Variants in AKAP7 observed in about 807,000 individuals in gnomAD.
AKAP7 encodes the protein A kinase (PRKA) anchor protein 7.
A neutral mutation model predicts 39.5 loss-of-function variants in AKAP7; 39 were observed. The ratio of observed to expected loss-of-function variants is 0.99; its 90% CI spans 0.76 to 1.29. The LOEUF is 1.29. Ranked by LOEUF, AKAP7 falls within the 50% of genes most tolerant of loss-of-function variation. AKAP7 has a pLI of 0.00. For synonymous variants in AKAP7, 140 were observed against 139.1 expected, an observed-to-expected ratio of 1.01 and a Z score of -0.05; for missense variants, 414 against 407.7, an observed-to-expected ratio of 1.02 and a Z score of -0.13.
intron 1 of AKAP7, 126 bp downstream of exon 1, chr6:131,135,908 C>A (rs1241745621): frequency 1.4e-5 from 15 of 1,062,388 alleles, no homozygotes; most frequent in East Asian, 7.0e-5. Context: ...CTCCCTCCTT[C>A]CCAAAAGGAC....
intron 5 of AKAP7, among the ~76,000 whole-genome samples, chr6:131,197,828 A>G (rs961172337): frequency 5.9e-5 from 9 of 152,180 alleles, no homozygotes; most frequent in Admixed American, 2.6e-4. Flanking sequence ...AGAAAAGACA[A>G]GTTAAGAGAG....
chr6:131,276,999 A>T (rs1814797388), intron 7 of AKAP7, among the ~76,000 whole-genome samples: 1 of 152,212 alleles, frequency 6.6e-6, no homozygotes, highest in Non-Finnish European at 1.5e-5. Context: ...TTTTGCTACC[A>T]CAAAGGAGTT....
chr6:131,270,172 A>C (rs1157364547), intron 7 of AKAP7, among the ~76,000 whole-genome samples: 1 of 152,188 alleles, frequency 6.6e-6, no homozygotes, highest in South Asian at 2.1e-4. Context: ...TAGCACCACA[A>C]TCAAGATTGT....
At chr6:131,246,486 A>G (rs1045183420) in intron 7 of AKAP7, among the ~76,000 whole-genome samples, 7 of 152,210 alleles carry the variant, frequency 4.6e-5, no homozygotes, top group African/African-American at 7.2e-5. Context: ...GTAGACCTCC[A>G]TATGCTACTG....
chr6:131,217,888 CTT>C (rs1460342917), intron 6 of AKAP7, among the ~76,000 whole-genome samples: 1 of 152,136 alleles, frequency 6.6e-6, no homozygotes, highest in Non-Finnish European at 1.5e-5. Context: ...GAAGGAATGA[CTT>C]TCTCCAACCT....
At chr6:131,259,860 T>G (rs994479970) in intron 7 of AKAP7, among the ~76,000 whole-genome samples, 8 of 152,136 alleles carry the variant, frequency 5.3e-5, no homozygotes, top group Non-Finnish European at 1.2e-4. Flanking sequence ...GTTAGGTAAA[T>G]GTGTGCCATG....
intron 1 of AKAP7, among the ~76,000 whole-genome samples, chr6:131,136,259 C>T (rs1364977096): frequency 1.3e-5 from 2 of 151,900 alleles, no homozygotes; most frequent in South Asian, 2.1e-4. Context: ...AAACTGGCGC[C>T]AAGTCTACAC....
intron 5 of AKAP7, among the ~76,000 whole-genome samples, chr6:131,197,781 C>T (rs546953124): frequency 4.6e-5 from 7 of 152,000 alleles, no homozygotes; most frequent in South Asian, 2.1e-4. Flanking sequence ...AACACCAGGC[C>T]GTGGGGGCTA....
chr6:131,131,471 T>C (rs1269930277), upstream of AKAP7, among the ~76,000 whole-genome samples: 43 of 99,916 alleles, frequency 4.3e-4, 1 homozygote, highest in East Asian at 6.1e-3. Context: ...TTCTTTCTTT[T>C]TTTTTTTTTT....
At chr6:131,130,042 A>G in the AKAP7 span, among the ~76,000 whole-genome samples, 1 of 152,206 alleles carries the variant, frequency 6.6e-6, no homozygotes, top group Non-Finnish European at 1.5e-5. Flanking sequence ...GGCAGGGTGA[A>G]TGAGTCAATT....
chr6:131,159,387 C>T (rs1324200349), intron 2 of AKAP7, among the ~76,000 whole-genome samples: 3 of 152,220 alleles, frequency 2.0e-5, no homozygotes, highest in African/African-American at 7.2e-5. Flanking sequence ...GCCACCGAGC[C>T]TGGCCAAGGA....
chr6:131,276,192 C>G (rs1468145524), intron 7 of AKAP7, among the ~76,000 whole-genome samples: 3 of 152,130 alleles, frequency 2.0e-5, no homozygotes, highest in Non-Finnish European at 4.4e-5. Context: ...GGTTCCTTCC[C>G]TTTTGAAATT....
intron 7 of AKAP7, among the ~76,000 whole-genome samples, chr6:131,238,759 G>A (rs1811291647): frequency 6.6e-6 from 1 of 152,104 alleles, no homozygotes; most frequent in Non-Finnish European, 1.5e-5. Flanking sequence ...CCATTTGCTT[G>A]ATGGATCTTC....
intron 2 of AKAP7, among the ~76,000 whole-genome samples, chr6:131,152,896 G>C (rs1802054758): frequency 6.6e-6 from 1 of 151,244 alleles, no homozygotes; most frequent in African/African-American, 2.4e-5. Context: ...TGGGAGGCCA[G>C]GGCGGGTGGA....
At chr6:131,175,291 A>G (rs1804469870) in intron 5 of AKAP7, among the ~76,000 whole-genome samples, 1 of 152,120 alleles carries the variant, frequency 6.6e-6, no homozygotes, top group South Asian at 2.1e-4. Context: ...GGGCAGGCAC[A>G]CGTGTGTAAC....
At chr6:131,250,173 T>C in intron 7 of AKAP7, 6 of 993,416 alleles carry the variant, frequency 6.0e-6, no homozygotes, top group Non-Finnish European at 7.2e-6. Context: ...ACTGCAGTTG[T>C]CTGTAGGAGA....
At chr6:131,156,804 A>G (rs1802455884) in intron 2 of AKAP7, among the ~76,000 whole-genome samples, 1 of 148,854 alleles carries the variant, frequency 6.7e-6, no homozygotes, top group Non-Finnish European at 1.5e-5. Context: ...ATGGAGTCTC[A>G]CTCTGTCACC....
At chr6:131,199,747 A>G (rs1196378152) in intron 6 of AKAP7, among the ~76,000 whole-genome samples, 174 bp downstream of exon 6, 1 of 152,100 alleles carries the variant, frequency 6.6e-6, no homozygotes, top group East Asian at 1.9e-4. Context: ...CCTTCCATGG[A>G]GGCTATTTCA....
chr6:131,186,813 C>T (rs928560034), intron 5 of AKAP7, among the ~76,000 whole-genome samples: 1 of 152,154 alleles, frequency 6.6e-6, no homozygotes, highest in Admixed American at 6.5e-5. Flanking sequence ...TGAAGGCAGA[C>T]CTCTTGTGAC....
Sources: allele counts gnomAD v4.1 joint callset (sites outside exome capture counted in the v4.1 genomes callset), GRCh38; gene constraint gnomAD v4.1.1; transcripts MANE v1.5; gene names NCBI Gene and HGNC (gene_info 2026-07-23, HGNC 2026-07-21).